Variants in SNAP29 observed in about 807,000 individuals in gnomAD.
SNAP29 encodes the protein synaptosome associated protein 29.
Under a neutral mutation model 27.9 loss-of-function variants are expected in SNAP29, and 13 were observed. The ratio of observed to expected loss-of-function variants is 0.47; its 90% confidence interval spans 0.30 to 0.74. SNAP29 has a LOEUF of 0.74. Among genes scored for constraint, SNAP29 ranks in the 30% least tolerant of loss-of-function variants. The probability of loss-of-function intolerance (pLI) is 0.06; values close to 1 mark genes in which losing one functional copy is unlikely to be tolerated. For missense variants in SNAP29, 368 were observed against 336.5 expected (o/e 1.09, Z -0.73); for synonymous variants, 119 against 127.1 (o/e 0.94, Z 0.43).
At chr22:20,859,380 C>A in intron 1 of SNAP29, 33 bp downstream of exon 1, 3 of 1,421,610 alleles carry the variant, frequency 2.1e-6, no homozygotes, top group Admixed American at 3.3e-5. Context: ...GTGGACTCGC[C>A]GGTCTCTGTG....
At chr22:20,861,689 T>A (rs966597680) in intron 1 of SNAP29, among the ~76,000 whole-genome samples, 2 of 151,962 alleles carry the variant, frequency 1.3e-5, no homozygotes, top group Non-Finnish European at 2.9e-5. Context: ...AGGCTAGAGT[T>A]CAGTGGCGCG....
chr22:20,862,413 T>C (rs1212874302), intron 1 of SNAP29, among the ~76,000 whole-genome samples: 2 of 152,118 alleles, frequency 1.3e-5, no homozygotes, highest in African/African-American at 2.4e-5. Context: ...CAGGAAAATA[T>C]GCAAATGCAC....
chr22:20,879,304 C>A (rs1251636843), intron 2 of SNAP29, among the ~76,000 whole-genome samples: 1 of 143,730 alleles, frequency 7.0e-6, no homozygotes, highest in Admixed American at 7.0e-5. Context: ...GAGACTCCAT[C>A]TCAAAAAAAA....
chr22:20,867,629 C>A (rs1928492471), intron 1 of SNAP29, among the ~76,000 whole-genome samples: 1 of 152,190 alleles, frequency 6.6e-6, no homozygotes, highest in South Asian at 2.1e-4. Context: ...ACAGAAACTT[C>A]CAGAGGCCAG....
intron 2 of SNAP29, among the ~76,000 whole-genome samples, chr22:20,880,267 G>A (rs1209745642): frequency 6.6e-6 from 1 of 152,122 alleles, no homozygotes; most frequent in African/African-American, 2.4e-5. Context: ...GGAGGCCGAG[G>A]TGGGTGGATC....
chr22:20,885,255 CCT>C (rs1928985700), intron 4 of SNAP29, among the ~76,000 whole-genome samples: 1 of 152,132 alleles, frequency 6.6e-6, no homozygotes, highest in Non-Finnish European at 1.5e-5. Context: ...TCTCCCACCC[CCT>C]GTTAGGAGTT....
At chr22:20,869,094 A>G (rs1030003350) in intron 1 of SNAP29, among the ~76,000 whole-genome samples, 1 of 152,168 alleles carries the variant, frequency 6.6e-6, no homozygotes, top group Non-Finnish European at 1.5e-5. Context: ...CCCCGTCTCT[A>G]CCAAAAATAC....
chr22:20,875,633 G>A (rs964034272), intron 2 of SNAP29, among the ~76,000 whole-genome samples: 10 of 152,306 alleles, frequency 6.6e-5, no homozygotes, highest in Admixed American at 5.2e-4. Flanking sequence ...AGGGGAAGCC[G>A]GGATGAAGGA....
chr22:20,870,310 A>G, intron 1 of SNAP29, 27 bp from the exon 2 acceptor site: 1 of 1,611,746 alleles, frequency 6.2e-7, no homozygotes. Flanking sequence ...AGAAAGCTAT[A>G]ATGCCACTGC....
At chr22:20,881,647 CA>C (rs1288979015) in intron 3 of SNAP29, among the ~76,000 whole-genome samples, 5 of 152,182 alleles carry the variant, frequency 3.3e-5, no homozygotes, top group African/African-American at 7.2e-5. Context: ...GCGGAGGTTG[CA>C]GTGAGCTGAG....
chr22:20,871,091 C>G (rs992329060), intron 2 of SNAP29: 2 of 153,430 alleles, frequency 1.3e-5, no homozygotes, highest in Admixed American at 1.3e-4. Flanking sequence ...ATGGTGCACT[C>G]CAACCTGGGC....
intron 2 of SNAP29, among the ~76,000 whole-genome samples, chr22:20,872,591 G>A (rs1286191332): frequency 1.3e-5 from 2 of 152,052 alleles, no homozygotes; most frequent in African/African-American, 2.4e-5. Context: ...TAGTAGAGAC[G>A]GGGTTTCACC....
At chr22:20,887,468 T>TACACAC (rs3041344) in intron 4 of SNAP29, among the ~76,000 whole-genome samples, 1 of 149,302 alleles carries the variant, frequency 6.7e-6, no homozygotes. Context: ...CACACACACA[T>TACACAC]ACACACACAC....
intron 1 of SNAP29, among the ~76,000 whole-genome samples, chr22:20,865,431 G>C (rs1421170999): frequency 6.6e-6 from 1 of 152,144 alleles, no homozygotes; most frequent in Non-Finnish European, 1.5e-5. Context: ...GCCTTCTGAG[G>C]ATGGGCTGGT....
chr22:20,872,202 ATC>A (rs1019783088), intron 2 of SNAP29, among the ~76,000 whole-genome samples: 2 of 151,054 alleles, frequency 1.3e-5, no homozygotes, highest in South Asian at 2.1e-4. Flanking sequence ...TTCCATAACC[ATC>A]TCTCTCTCTC....
intron 1 of SNAP29, among the ~76,000 whole-genome samples, chr22:20,864,994 TACTC>T (rs1928423625): frequency 6.6e-6 from 1 of 152,230 alleles, no homozygotes; most frequent in South Asian, 2.1e-4. Context: ...TTGGACCACA[TACTC>T]ACCGCTAGGT....
intron 1 of SNAP29, among the ~76,000 whole-genome samples, chr22:20,868,908 C>T (rs1030057629): frequency 7.9e-5 from 12 of 152,210 alleles, no homozygotes; most frequent in Non-Finnish European, 1.3e-4. Flanking sequence ...GCCACTGTGG[C>T]CACAGAGCAT....
At chr22:20,883,009 T>G (rs2147872071) in intron 3 of SNAP29, among the ~76,000 whole-genome samples, 1 of 152,230 alleles carries the variant, frequency 6.6e-6, no homozygotes, top group Middle Eastern at 3.4e-3. Context: ...TTTTTTTTTT[T>G]TTTGCGTATT....
At chr22:20,860,072 C>T (rs1417916898) in intron 1 of SNAP29, among the ~76,000 whole-genome samples, 1 of 152,146 alleles carries the variant, frequency 6.6e-6, no homozygotes, top group African/African-American at 2.4e-5. Context: ...ATTATTCTGG[C>T]CGAGCGCAGT....
Sources: allele counts gnomAD v4.1 joint callset (sites outside exome capture counted in the v4.1 genomes callset), GRCh38; gene constraint gnomAD v4.1.1; transcripts MANE v1.5; gene names NCBI Gene and HGNC (gene_info 2026-07-23, HGNC 2026-07-21).